The following COL4A2 variants were observed in gnomAD, a reference collection of about 807,000 sequenced individuals.
COL4A2 encodes the protein collagen alpha-2(IV) chain.
A neutral mutation model predicts 200.2 loss-of-function variants in COL4A2; 99 were observed. The ratio of observed to expected loss-of-function variants is 0.49; its 90% CI spans 0.42 to 0.58. The LOEUF (loss-of-function observed/expected upper bound fraction) is 0.58. COL4A2 is among the 20% of genes least tolerant of loss of function. The pLI is 0.00. For missense variants in COL4A2, 1,950 were observed against 2,314.1 expected, an observed-to-expected ratio of 0.84 and a Z score of 3.23; for synonymous variants, 897 against 900.6, an observed-to-expected ratio of 1.00 and a Z score of 0.07.
chr13:110,470,520 C>T (rs1882427358), intron 28 of COL4A2, among the ~76,000 whole-genome samples: 2 of 152,170 alleles, frequency 1.3e-5, no homozygotes, highest in Non-Finnish European at 2.9e-5. Context: ...GTCTCATGAA[C>T]AGGCAGAACT....
intron 4 of COL4A2, among the ~76,000 whole-genome samples, chr13:110,365,737 C>G (rs1288896164): frequency 6.6e-6 from 1 of 152,202 alleles, no homozygotes; most frequent in Non-Finnish European, 1.5e-5. Flanking sequence ...TTCATTGACT[C>G]CTTCCTTCTC....
Position 110,495,479 on chromosome 13 carries a change from C to T in COL4A2, c.3760+12C>T. ...CCAAGGAGCTCCAGGTGAGGCCACA[C>T]ATTCCAAGCCAACATTGCCGTCCCA... On this transcript the variant is annotated intron_variant, in intron 40 of 47. Coordinates refer to ENST00000360467, the MANE Select transcript of COL4A2 (RefSeq NM_001846.4). 1 of 1,609,006 alleles carries T rather than the reference C, an allele frequency of 6.2e-7. No individual in the cohort carries two copies.
At chr13:110,310,091 G>A (rs2139337854) in intron 3 of COL4A2, among the ~76,000 whole-genome samples, 1 of 152,336 alleles carries the variant, frequency 6.6e-6, no homozygotes, top group Non-Finnish European at 1.5e-5. Flanking sequence ...AAGAATTACG[G>A]CTTCACAGAG....
At chr13:110,382,833 A>G (rs892292283) in intron 4 of COL4A2, among the ~76,000 whole-genome samples, 2 of 152,246 alleles carry the variant, frequency 1.3e-5, no homozygotes, top group Non-Finnish European at 1.5e-5. Flanking sequence ...CCTATTGAAA[A>G]TATACACTTT....
chr13:110,346,705 GC>G (rs1876717230), intron 3 of COL4A2, among the ~76,000 whole-genome samples: 1 of 151,590 alleles, frequency 6.6e-6, no homozygotes, highest in South Asian at 2.1e-4. Flanking sequence ...CTGCCTGACG[GC>G]TGACGACGGC....
At position 110,311,475 on chromosome 13, in the gene COL4A2, A is replaced by T. The variant is rs547997072; in HGVS notation, c.99+3352A>T. Among the ~76,000 whole-genome samples the T allele has an allele frequency of 5.3e-5, 8 of 152,244 alleles. No homozygotes were observed. In the South Asian group the frequency reaches 6.2e-4, roughly 12 times the overall value. Reference sequence around the variant, plus strand: ...GCTGAGGGGCTGCCGCCTGGGGCGGACATTCGCCAAGCCTCTGCGTCCTAG... The same window carrying T: ...GCTGAGGGGCTGCCGCCTGGGGCGGTCATTCGCCAAGCCTCTGCGTCCTAG... On this transcript the variant is annotated intron_variant, in intron 3 of 47. Transcript: ENST00000360467.
chr13:110,511,659 T>G (rs1884083515), intron 47 of COL4A2, among the ~76,000 whole-genome samples: 1 of 152,242 alleles, frequency 6.6e-6, no homozygotes, highest in Admixed American at 6.5e-5. Flanking sequence ...CGGCTCTAGT[T>G]CTTACCGAAC....
Position 110,487,610 on chromosome 13 carries a change from C to T in COL4A2, c.3207+1774C>T, listed in dbSNP as rs75199726. ...GAACGTGGTATATTCTAACCAGACACAGCATTATCTGTGCATTTTATCTCC... is the reference window on the plus strand; with the variant it reads ...GAACGTGGTATATTCTAACCAGACATAGCATTATCTGTGCATTTTATCTCC... On this transcript the variant is annotated intron_variant, in intron 34 of 47. Transcript: ENST00000360467. 5.1e-3 allele frequency among the ~76,000 whole-genome samples: 782 copies of T among 152,356 alleles called. 4 individuals carry two copies. Among genetic ancestry groups the T allele is most frequent in the African/African-American group, 0.016 (672 of 41,576 alleles).
chr13:110,491,428 C>A, intron 37 of COL4A2, 88 bp downstream of exon 37: 3 of 864,666 alleles, frequency 3.5e-6, no homozygotes, highest in African/African-American at 1.7e-5. Flanking sequence ...CAATTTCCTC[C>A]AATCACACCC....
chr13:110,406,418 G>C (rs1333760716), intron 4 of COL4A2, among the ~76,000 whole-genome samples: 1 of 152,162 alleles, frequency 6.6e-6, no homozygotes, highest in East Asian at 1.9e-4. Context: ...AGCATAAGCA[G>C]GAGCATGTCA....
chr13:110,348,346 A>G (rs767271305), intron 3 of COL4A2, among the ~76,000 whole-genome samples: 13 of 152,220 alleles, frequency 8.5e-5, no homozygotes, highest in Non-Finnish European at 1.8e-4. Flanking sequence ...TAAACAAAGG[A>G]AGCTGAATTG....
chr13:110,322,257 T>A (rs1417207551), intron 3 of COL4A2, among the ~76,000 whole-genome samples: 3 of 152,194 alleles, frequency 2.0e-5, no homozygotes, highest in Non-Finnish European at 4.4e-5. Context: ...TGCCCGTGCC[T>A]CTGTTCTTGA....
intron 21 of COL4A2, chr13:110,458,066 A>G (rs1032943966): frequency 8.7e-6 from 4 of 459,188 alleles, no homozygotes; most frequent in African/African-American, 8.0e-5. Context: ...CTCCCAGAAC[A>G]TGGGGAGCAC....
At chr13:110,319,544 C>T (rs1418937623) in intron 3 of COL4A2, among the ~76,000 whole-genome samples, 1 of 152,190 alleles carries the variant, frequency 6.6e-6, no homozygotes, top group African/African-American at 2.4e-5. Context: ...GCAACTACTT[C>T]TCAGATTAGC....
chr13:110,469,950 T>G (rs1882402900), intron 28 of COL4A2, among the ~76,000 whole-genome samples: 1 of 139,534 alleles, frequency 7.2e-6, no homozygotes, highest in South Asian at 2.4e-4. Flanking sequence ...AATCTCGCTC[T>G]GTCACCCAGG....
chr13:110,397,795 G>A (rs1879232408), intron 4 of COL4A2, among the ~76,000 whole-genome samples: 1 of 152,206 alleles, frequency 6.6e-6, no homozygotes, highest in African/African-American at 2.4e-5. Context: ...GGGGCTGTGA[G>A]AGGACACTCA....
intron 4 of COL4A2, among the ~76,000 whole-genome samples, chr13:110,382,024 G>A (rs1878511579): frequency 6.6e-6 from 1 of 151,948 alleles, no homozygotes; most frequent in Admixed American, 6.6e-5. Flanking sequence ...AATTTTTCAC[G>A]GTTGCCATAT....
chr13:110,396,664 C>T (rs759031718), intron 4 of COL4A2, among the ~76,000 whole-genome samples: 21 of 152,102 alleles, frequency 1.4e-4, no homozygotes, highest in Admixed American at 2.0e-4. Context: ...CTGACCACCC[C>T]GTCATTAAAC....
At chr13:110,342,901 A>C (rs948061867) in intron 3 of COL4A2, among the ~76,000 whole-genome samples, 1 of 152,188 alleles carries the variant, frequency 6.6e-6, no homozygotes, top group Non-Finnish European at 1.5e-5. Flanking sequence ...AACACTCCAG[A>C]TTAAGCGTAA....
Sources: allele counts gnomAD v4.1 joint callset (sites outside exome capture counted in the v4.1 genomes callset), GRCh38; gene constraint gnomAD v4.1.1; transcripts MANE v1.5; gene names NCBI Gene and HGNC (gene_info 2026-07-23, HGNC 2026-07-21).